The following RIOK2 variants were observed in gnomAD, a reference collection of about 807,000 sequenced individuals.
RIOK2 encodes RIO kinase 2, also known as serine/threonine-protein kinase RIO2.
A neutral mutation model predicts 62.4 loss-of-function variants in RIOK2; 46 were observed. That is an observed-to-expected ratio of 0.74 (90% CI 0.58 to 0.94). The LOEUF (loss-of-function observed/expected upper bound fraction) is 0.94, where lower values mean the gene tolerates loss of function less well. RIOK2 is among the 40% of genes least tolerant of loss of function. The probability of loss-of-function intolerance (pLI) is 0.00; values close to 1 mark genes in which losing one functional copy is unlikely to be tolerated. For missense variants in RIOK2, 574 were observed against 658.0 expected, an observed-to-expected ratio of 0.87 and a Z score of 1.40; for synonymous variants, 197 against 216.0, an observed-to-expected ratio of 0.91 and a Z score of 0.77.
intron 6 of RIOK2, among the ~76,000 whole-genome samples, chr5:97,169,658 G>T (rs1748944547): frequency 6.6e-6 from 1 of 152,116 alleles, no homozygotes; most frequent in Admixed American, 6.5e-5. Context: ...ATTTTAAAAA[G>T]ACTATTTTAT....
Position 97,171,400 on chromosome 5 carries a change from GAAAGTATTTTA to G in RIOK2, c.588-14_588-4del. The G allele has an allele frequency of 6.6e-7, 1 of 1,513,886 alleles. No homozygotes were observed. The highest frequency in any genetic ancestry group is 8.9e-7 in the Non-Finnish European group (1 of 1,128,072). The allele number at this position is 1,513,886 out of a possible 1,614,324, so 93.8% of individuals were successfully genotyped here. A position where few individuals can be genotyped will look rare whatever the true frequency, so the allele number is the denominator to read the frequency against. ...CTTCAACATGGTGTATCTGACATCT[GAAAGTATTTTA>G]AGCATGAAAATAGGTTACTTGTGTT... On this transcript the variant is annotated splice_polypyrimidine_tract_variant and splice_region_variant and intron_variant, in intron 5 of 9. Transcript: ENST00000283109.
rs200929776 is a variant in RIOK2 at position 97,179,063 on chromosome 5, C to T, written c.197G>A (p.Arg66His). The change falls in exon 2 of 10, where the codon CGT becomes CAT. Residue 66 changes from arginine (R) to histidine (H), a missense_variant. Coordinates refer to ENST00000283109, the MANE Select transcript of RIOK2 (RefSeq NM_018343.3). Reference sequence around the variant, plus strand: ...TGCCTCAAAATACTTACTTTTGGTACGCTCCCAAGCTATGAGTTTATGTTT... The same window carrying T: ...TGCCTCAAAATACTTACTTTTGGTATGCTCCCAAGCTATGAGTTTATGTTT... ...LVKHKLIAWE[R>H]TKTVQGYRLT... The T allele has an allele frequency of 8.7e-5, 141 of 1,613,690 alleles. No homozygotes were observed. Among genetic ancestry groups the T allele is most frequent in the African/African-American group, 2.0e-4 (15 of 74,916 alleles).
chr5:97,177,404 A>T, intron 3 of RIOK2, 113 bp from the exon 4 acceptor site: 6 of 1,032,968 alleles, frequency 5.8e-6, no homozygotes, highest in Non-Finnish European at 5.5e-6. Context: ...TTCCTAATAA[A>T]GATTGAGTAT....
chr5:97,173,718 G>C (rs1379924806), intron 4 of RIOK2, among the ~76,000 whole-genome samples: 1 of 152,160 alleles, frequency 6.6e-6, no homozygotes, highest in Non-Finnish European at 1.5e-5. Flanking sequence ...ATTAGGAAAT[G>C]AGGCATTCTA....
chr5:97,180,548 C>T (rs62377110), intron 1 of RIOK2, among the ~76,000 whole-genome samples: 2,202 of 152,142 alleles, frequency 0.014, 33 homozygotes, highest in South Asian at 0.024. Flanking sequence ...AGACCAAATA[C>T]TTTTATATTT....
At chr5:97,165,798 T>C (rs552974697) in intron 8 of RIOK2, among the ~76,000 whole-genome samples, 20 of 152,352 alleles carry the variant, frequency 1.3e-4, no homozygotes, top group African/African-American at 4.1e-4. Context: ...TTTAATCCTA[T>C]ATAGATTTTC....
intron 2 of RIOK2, 60 bp downstream of exon 2, chr5:97,178,995 A>G: frequency 1.2e-6 from 2 of 1,600,864 alleles, no homozygotes; most frequent in East Asian, 2.2e-5. Flanking sequence ...CTTTTGGAAC[A>G]CTTGCTCTGG....
At chr5:97,174,793 C>G (rs1447501395) in intron 4 of RIOK2, among the ~76,000 whole-genome samples, 1 of 152,074 alleles carries the variant, frequency 6.6e-6, no homozygotes, top group Non-Finnish European at 1.5e-5. Context: ...TGTTCTTAGA[C>G]TTGCAGTGGT....
At position 97,163,012 on chromosome 5, in the gene RIOK2, T is replaced by G; in HGVS notation, c.*49A>C. The G allele has an allele frequency of 4.1e-6, 6 of 1,464,322 alleles. No individual in the cohort carries two copies. The highest frequency in any genetic ancestry group is 5.6e-6 in the Non-Finnish European group (6 of 1,080,542). The allele number at this position is 1,464,322 out of a possible 1,614,324, so 90.7% of individuals were successfully genotyped here. A position where few individuals can be genotyped will look rare whatever the true frequency, so the allele number is the denominator to read the frequency against. On this transcript the variant is annotated 3_prime_UTR_variant, in exon 10 of 10. Coordinates refer to ENST00000283109, the MANE Select transcript of RIOK2 (RefSeq NM_018343.3). ...GACAAATGAGGGCTCAAAAAGGAAT[T>G]ACAGTAACTTTAAAAAATATATTAA...
chr5:97,179,114 C>T lies in RIOK2; in HGVS notation c.146G>A (p.Cys49Tyr), dbSNP rs1205877787. The T allele has an allele frequency of 2.5e-6, 4 of 1,613,738 alleles. No homozygotes were observed. The highest frequency in any genetic ancestry group is 3.4e-6 in the Non-Finnish European group (4 of 1,179,814). The part of the protein sequence containing the change: ...ASIASLKHGG[C>Y]NKVLRELVKH... ...CACTAATTCTCTTAAAACTTTATTA[C>T]AGCCACCATGTTTAAGGCTGGCTAT... Residue 49 changes from cysteine (C) to tyrosine (Y), a missense_variant, in exon 2 of 10, where the codon TGT becomes TAT. By Grantham distance (194) the Cys-to-Tyr change is radical. Transcript: ENST00000283109.
At chr5:97,182,780 G>GGC in intron 1 of RIOK2, 1 of 34,314 alleles carries the variant, frequency 2.9e-5, no homozygotes. Context: ...TCAAATCTCG[G>GGC]GGGGGGGGGG....
At chr5:97,180,118 GTGTATATGTATATATATATATA>G (rs1561522349) in intron 1 of RIOK2, among the ~76,000 whole-genome samples, 1 of 33,992 alleles carries the variant, frequency 2.9e-5, no homozygotes. Context: ...TCTTCTGCAT[GTGTATATGTATATATATATATA>G]TGTATATATA....
At chr5:97,176,882 C>T (rs1056169057) in intron 4 of RIOK2, 1 of 427,136 alleles carries the variant, frequency 2.3e-6, no homozygotes, top group Non-Finnish European at 4.2e-6. Flanking sequence ...GTCAGCATTA[C>T]AGAATGTGTT....
chr5:97,182,981 T>C, intron 1 of RIOK2, 145 bp downstream of exon 1: 1 of 883,040 alleles, frequency 1.1e-6, no homozygotes, highest in Non-Finnish European at 1.9e-6. Context: ...AATCCGACTT[T>C]CTGAATGCTC....
intron 9 of RIOK2, 144 bp from the exon 10 acceptor site, chr5:97,163,369 A>G (rs1748755376): frequency 1.4e-6 from 1 of 705,806 alleles, no homozygotes. Context: ...GTTATATAGG[A>G]GAAATTAAAT....
In RIOK2 at chr5:97,183,204, C is replaced by A; in HGVS notation, c.-13G>T. On this transcript the variant is annotated 5_prime_UTR_variant, in exon 1 of 10. Transcript: ENST00000283109. ...TCACTTTCCCCATGGCGGCCCCAGT[C>A]CGAACCCAGATGCCTCTCCGACGAC... The A allele has an allele frequency of 6.2e-7, 1 of 1,614,120 alleles. No homozygotes were observed. Among genetic ancestry groups the A allele is most frequent in the Non-Finnish European group, 8.5e-7 (1 of 1,179,980 alleles).
chr5:97,174,075 C>T (rs754409724), intron 4 of RIOK2, among the ~76,000 whole-genome samples: 3 of 152,188 alleles, frequency 2.0e-5, no homozygotes, highest in Non-Finnish European at 4.4e-5. Context: ...CTAACCTATT[C>T]TATGTACCAA....
chr5:97,163,435 T>A (rs936996387), intron 9 of RIOK2, among the ~76,000 whole-genome samples: 12 of 152,210 alleles, frequency 7.9e-5, no homozygotes, highest in African/African-American at 2.9e-4. Context: ...GCAGAATTTT[T>A]AAAAAATTAC....
At chr5:97,179,814 G>A (rs1749286807) in intron 1 of RIOK2, among the ~76,000 whole-genome samples, 1 of 141,758 alleles carries the variant, frequency 7.1e-6, no homozygotes, top group African/African-American at 2.6e-5. Context: ...GCCTGTCGGG[G>A]GGTGGGGGGC....
Sources: gnomAD v4.1 joint callset for allele counts (sites outside exome capture counted in the v4.1 genomes callset) on GRCh38, gnomAD v4.1.1 for gene constraint, MANE v1.5 for transcripts, NCBI Gene and HGNC (gene_info 2026-07-23, HGNC 2026-07-21) for gene names.